Variants in AKT3 observed in about 807,000 individuals in gnomAD.
AKT3 encodes the protein RAC-gamma serine/threonine-protein kinase.
AKT3 carries 15 observed loss-of-function variants against 65.3 expected under a neutral mutation model. That is an observed-to-expected ratio of 0.23 (90% CI 0.15 to 0.35). AKT3 has a LOEUF of 0.35. Ranked by LOEUF, AKT3 falls within the 10% of genes least tolerant of loss-of-function variation. The pLI, the probability that AKT3 is intolerant of heterozygous loss-of-function variation, is 1.00. For synonymous variants in AKT3, 206 were observed against 183.8 expected, an observed-to-expected ratio of 1.12 and a Z score of -0.98; for missense variants, 243 against 576.5, an observed-to-expected ratio of 0.42 and a Z score of 5.92.
chr1:243,658,097 A>G (rs1681962401), intron 4 of AKT3, among the ~76,000 whole-genome samples: 1 of 152,172 alleles, frequency 6.6e-6, no homozygotes, highest in African/African-American at 2.4e-5. Context: ...CAAAAGCAGT[A>G]ATAGATGAGT....
chr1:243,666,364 CTTAGTT>C (rs1027550380), intron 3 of AKT3, among the ~76,000 whole-genome samples: 1 of 152,142 alleles, frequency 6.6e-6, no homozygotes, highest in African/African-American at 2.4e-5. Flanking sequence ...AGGGTCTCTG[CTTAGTT>C]TTCTAACAGT....
intron 8 of AKT3, chr1:243,613,092 C>CAT (rs201512950): frequency 0.51 from 69,545 of 136,448 alleles, 20,729 homozygotes; most frequent in Non-Finnish European, 0.66. Context: ...CACACACACA[C>CAT]ACACACACAT....
At chr1:243,719,579 G>A (rs917343150) in intron 2 of AKT3, among the ~76,000 whole-genome samples, 1 of 152,190 alleles carries the variant, frequency 6.6e-6, no homozygotes, top group African/African-American at 2.4e-5. Context: ...GGTAAATCAT[G>A]ACAACTTAGT....
chr1:243,583,195 T>TATATATAC (rs759291565), intron 8 of AKT3, among the ~76,000 whole-genome samples: 25 of 88,274 alleles, frequency 2.8e-4, no homozygotes, highest in African/African-American at 1.2e-3. Context: ...TATATATATA[T>TATATATAC]ACACACACAC....
In AKT3 at chr1:243,668,679, T is replaced by A. The variant is rs117119463; in HGVS notation, c.173-3796A>T. Among the ~76,000 whole-genome samples, 24 of 152,310 alleles carry A rather than the reference T, an allele frequency of 1.6e-4. No individual in the cohort carries two copies. The East Asian group carries it at 4.2e-3, about 27-fold the overall frequency. On this transcript the variant is annotated intron_variant, in intron 3 of 13. Coordinates refer to ENST00000673466, the MANE Select transcript of AKT3 (RefSeq NM_005465.7). ...ATTTTCTCCCAGATATACCCAGATA[T>A]ATTCAGCTGCATGTGTACAGGTGAG...
intron 6 of AKT3, among the ~76,000 whole-genome samples, chr1:243,633,906 G>A (rs1679788378): frequency 6.6e-6 from 1 of 152,060 alleles, no homozygotes; most frequent in South Asian, 2.1e-4. Flanking sequence ...CACAAACTGG[G>A]TAAAAGTGAA....
intron 12 of AKT3, among the ~76,000 whole-genome samples, chr1:243,540,217 C>T (rs527332161): frequency 3.3e-5 from 5 of 152,042 alleles, no homozygotes; most frequent in South Asian, 2.1e-4. Flanking sequence ...AATGTACCAA[C>T]GCTAGCAATA....
rs545651051 is a variant in AKT3, at chr1:243,590,579, C to T, written c.697-17531G>A. 2.6e-5 allele frequency among the ~76,000 whole-genome samples: 4 copies of T among 151,952 alleles called. No homozygotes were observed. In the East Asian group the frequency reaches 7.7e-4, roughly 29 times the overall value. ...AATAGATACTGACTTCAAAATAGTACATGAACATAAAGAAGAGATAAAGGG... is the reference window on the plus strand; with the variant it reads ...AATAGATACTGACTTCAAAATAGTATATGAACATAAAGAAGAGATAAAGGG... On this transcript the variant is annotated intron_variant, in intron 8 of 13. Coordinates refer to ENST00000673466, the MANE Select transcript of AKT3 (RefSeq NM_005465.7).
chr1:243,767,161 T>C (rs1380033909), intron 2 of AKT3, among the ~76,000 whole-genome samples: 1 of 152,124 alleles, frequency 6.6e-6, no homozygotes, highest in African/African-American at 2.4e-5. Flanking sequence ...AGTCACATTA[T>C]GTAGGTATCA....
intron 12 of AKT3, among the ~76,000 whole-genome samples, chr1:243,524,553 A>C (rs1160793776): frequency 6.6e-6 from 1 of 152,248 alleles, no homozygotes; most frequent in Non-Finnish European, 1.5e-5. Context: ...GCACTGAACT[A>C]ACCATAACAT....
At chr1:243,703,040 T>A (rs1685564557) in intron 2 of AKT3, 1 of 152,204 alleles carries the variant, frequency 6.6e-6, no homozygotes, top group Non-Finnish European at 1.5e-5. Context: ...ATGAGCCAAT[T>A]TTTACCTAAG....
At chr1:243,849,551 C>G (rs1018886212) in intron 1 of AKT3, among the ~76,000 whole-genome samples, 3 of 151,934 alleles carry the variant, frequency 2.0e-5, no homozygotes, top group African/African-American at 4.8e-5. Flanking sequence ...CTCCCTCCCC[C>G]CAACCCAAAC....
chr1:243,757,874 C>T (rs1379254932), intron 2 of AKT3, among the ~76,000 whole-genome samples: 3 of 151,886 alleles, frequency 2.0e-5, no homozygotes, highest in Non-Finnish European at 4.4e-5. Flanking sequence ...GATTCTGGTG[C>T]TTCAGCCTCC....
chr1:243,575,388 C>G (rs1674864526), intron 8 of AKT3, among the ~76,000 whole-genome samples: 1 of 152,172 alleles, frequency 6.6e-6, no homozygotes, highest in Non-Finnish European at 1.5e-5. Context: ...AGTGATAAGA[C>G]AGAATCTCTT....
intron 3 of AKT3, among the ~76,000 whole-genome samples, chr1:243,679,011 T>G (rs1439568615): frequency 6.6e-6 from 1 of 152,120 alleles, no homozygotes; most frequent in Non-Finnish European, 1.5e-5. Context: ...ACGCCTTCTC[T>G]TTCTCCTCCT....
At chr1:243,585,761 A>G (rs1675755239) in intron 8 of AKT3, among the ~76,000 whole-genome samples, 1 of 152,186 alleles carries the variant, frequency 6.6e-6, no homozygotes, top group Non-Finnish European at 1.5e-5. Context: ...AAAGATTTAA[A>G]CGTAAAACCT....
intron 2 of AKT3, among the ~76,000 whole-genome samples, chr1:243,805,666 G>T (rs1021325819): frequency 6.6e-6 from 1 of 151,984 alleles, no homozygotes; most frequent in Non-Finnish European, 1.5e-5. Flanking sequence ...TGTATGTGGC[G>T]TTATTTCACT....
intron 2 of AKT3, among the ~76,000 whole-genome samples, chr1:243,702,342 A>C (rs1438938717): frequency 1.3e-5 from 2 of 152,328 alleles, no homozygotes; most frequent in Non-Finnish European, 2.9e-5. Context: ...GGTTAAGAGC[A>C]AGGACTCTGG....
chr1:243,849,692 C>T (rs1324880140), intron 1 of AKT3, among the ~76,000 whole-genome samples: 2 of 151,648 alleles, frequency 1.3e-5, no homozygotes, highest in Non-Finnish European at 1.5e-5. Flanking sequence ...GCGCAGACAG[C>T]AGGCGCCGGG....
Sources: allele counts gnomAD v4.1 joint callset (sites outside exome capture counted in the v4.1 genomes callset), GRCh38; gene constraint gnomAD v4.1.1; transcripts MANE v1.5; gene names NCBI Gene and HGNC (gene_info 2026-07-23, HGNC 2026-07-21).